COL5A2: variants seen among roughly 807,000 people sequenced by gnomAD.
COL5A2 encodes the protein collagen type V alpha 2 chain, also known as collagen alpha-2(V) chain.
Under a neutral mutation model 208.2 loss-of-function variants are expected in COL5A2, and 23 were observed. That is an observed-to-expected ratio of 0.11 (90% CI 0.08 to 0.16). COL5A2 has a LOEUF of 0.16. Ranked by LOEUF, COL5A2 falls within the 10% of genes least tolerant of loss-of-function variation. COL5A2 has a pLI of 1.00. For synonymous variants in COL5A2, 625 were observed against 628.5 expected (o/e 0.99, Z 0.08); for missense variants, 1,590 against 1,956.4 (o/e 0.81, Z 3.53).
intron 1 of COL5A2, among the ~76,000 whole-genome samples, chr2:189,174,531 A>G (rs971555745): frequency 3.3e-5 from 5 of 152,182 alleles, no homozygotes; most frequent in African/African-American, 1.2e-4. Context: ...CAACAGGTCC[A>G]CAACAAGATT....
intron 40 of COL5A2, 23 bp from the exon 41 acceptor site, chr2:189,052,248 G>A: frequency 1.2e-6 from 2 of 1,611,146 alleles, no homozygotes; most frequent in Non-Finnish European, 1.7e-6. Context: ...TATCATATAA[G>A]CAATTTTTAA....
chr2:189,376,542 C>T, the COL5A2 span, among the ~76,000 whole-genome samples: 1,039 of 145,366 alleles, frequency 7.1e-3, 6 homozygotes, highest in Non-Finnish European at 0.013. Context: ...CCCTCTGCAC[C>T]CAGGTACAGA....
rs1685712503 is a variant in COL5A2 at position 189,048,276 on chromosome 2, T to C, written c.3148-14A>G. 6.2e-7 allele frequency: 1 copy of C among 1,613,510 alleles called. No homozygotes were observed. Among genetic ancestry groups the C allele is most frequent in the Non-Finnish European group, 8.5e-7 (1 of 1,179,542 alleles). ...GCCAGCTGGACCCTATAAAGAATAATGGTTTGAAAAACTACTTAACTGAGT... is the reference window on the plus strand; with the variant it reads ...GCCAGCTGGACCCTATAAAGAATAACGGTTTGAAAAACTACTTAACTGAGT... On this transcript the variant is annotated splice_polypyrimidine_tract_variant and intron_variant, in intron 44 of 53. Coordinates refer to ENST00000374866, the MANE Select transcript of COL5A2 (RefSeq NM_000393.5).
the COL5A2 span, among the ~76,000 whole-genome samples, chr2:189,364,425 G>A: frequency 6.6e-6 from 1 of 152,166 alleles, no homozygotes; most frequent in Non-Finnish European, 1.5e-5. Flanking sequence ...GGTGGCTCAC[G>A]CCTCTAATCC....
upstream of COL5A2, among the ~76,000 whole-genome samples, chr2:189,180,704 G>C (rs1688767320): frequency 6.6e-6 from 1 of 152,174 alleles, no homozygotes; most frequent in South Asian, 2.1e-4. Context: ...AAATTGCAAA[G>C]AGCTACATAA....
intron 1 of COL5A2, among the ~76,000 whole-genome samples, chr2:189,196,988 A>G (rs1269737517): frequency 6.6e-6 from 1 of 152,222 alleles, no homozygotes; most frequent in Non-Finnish European, 1.5e-5. Flanking sequence ...CTATAAAGAC[A>G]CATACACACG....
At chr2:189,333,595 T>A in the COL5A2 span, among the ~76,000 whole-genome samples, 1 of 152,130 alleles carries the variant, frequency 6.6e-6, no homozygotes, top group Non-Finnish European at 1.5e-5. Context: ...AATGTAACTT[T>A]ATTTGGACTT....
the COL5A2 span, among the ~76,000 whole-genome samples, chr2:189,396,590 C>T: frequency 2.7e-5 from 4 of 148,478 alleles, no homozygotes; most frequent in African/African-American, 1.0e-4. Flanking sequence ...AGGAGAATGG[C>T]GTGAACCCGG....
the COL5A2 span, among the ~76,000 whole-genome samples, chr2:189,423,280 C>A: frequency 6.6e-6 from 1 of 151,082 alleles, no homozygotes; most frequent in Non-Finnish European, 1.5e-5. Context: ...GTGCCTACAT[C>A]AAAAAATAAA....
At chr2:189,057,204 G>T in intron 34 of COL5A2, 116 bp downstream of exon 34, 1 of 964,458 alleles carries the variant, frequency 1.0e-6, no homozygotes, top group Non-Finnish European at 1.6e-6. Context: ...AATGAAAAAT[G>T]AATGACTAGT....
At chr2:189,197,347 C>A (rs1247382428) in intron 1 of COL5A2, among the ~76,000 whole-genome samples, 1 of 152,050 alleles carries the variant, frequency 6.6e-6, no homozygotes, top group East Asian at 1.9e-4. Context: ...GGGCTTAAAA[C>A]CTAGATGATG....
At chr2:189,272,123 A>T in the COL5A2 span, among the ~76,000 whole-genome samples, 1 of 152,158 alleles carries the variant, frequency 6.6e-6, no homozygotes, top group Non-Finnish European at 1.5e-5. Context: ...AGGATCTAGA[A>T]CCAGAAATAC....
chr2:189,171,128 T>C (rs12621806), intron 1 of COL5A2, among the ~76,000 whole-genome samples: 89,889 of 151,624 alleles, frequency 0.59, 27,779 homozygotes, highest in East Asian at 0.72. Flanking sequence ...AGAGTTTGTG[T>C]GTGTCTGTGT....
chr2:189,429,056 T>C, the COL5A2 span, among the ~76,000 whole-genome samples: 10 of 152,228 alleles, frequency 6.6e-5, no homozygotes, highest in South Asian at 2.1e-3. Flanking sequence ...ATAGGGACCA[T>C]AATAAATGGC....
the COL5A2 span, among the ~76,000 whole-genome samples, chr2:189,395,898 C>CAAAAAA: frequency 5.6e-5 from 3 of 53,210 alleles, no homozygotes; most frequent in Admixed American, 3.5e-4. Flanking sequence ...GGACACATCT[C>CAAAAAA]AAAAAAAAAA....
the COL5A2 span, among the ~76,000 whole-genome samples, chr2:189,319,345 C>G: frequency 6.6e-6 from 1 of 152,202 alleles, no homozygotes; most frequent in Non-Finnish European, 1.5e-5. Context: ...GCGCACCAAG[C>G]GTGAGCCGAA....
the COL5A2 span, among the ~76,000 whole-genome samples, chr2:189,251,752 T>C: frequency 2.0e-5 from 3 of 151,000 alleles, no homozygotes; most frequent in Admixed American, 6.6e-5. Context: ...AAAGCCAAAA[T>C]TGACAAATGG....
the COL5A2 span, among the ~76,000 whole-genome samples, chr2:189,306,253 C>T: frequency 6.6e-6 from 1 of 152,158 alleles, no homozygotes; most frequent in Non-Finnish European, 1.5e-5. Context: ...CTTAATCACC[C>T]ACTGAGGGAC....
At chr2:189,285,711 C>T in the COL5A2 span, among the ~76,000 whole-genome samples, 4 of 152,030 alleles carry the variant, frequency 2.6e-5, no homozygotes, top group Admixed American at 6.6e-5. Flanking sequence ...TAAAAGTGGT[C>T]GTTTAAAGTA....
Sources: allele counts gnomAD v4.1 joint callset (sites outside exome capture counted in the v4.1 genomes callset), GRCh38; gene constraint gnomAD v4.1.1; transcripts MANE v1.5; gene names NCBI Gene and HGNC (gene_info 2026-07-23, HGNC 2026-07-21).